COG2: variants seen among roughly 807,000 people sequenced by gnomAD.
The protein encoded by COG2 is conserved oligomeric Golgi complex subunit 2.
In COG2, 52 loss-of-function variants were observed where a neutral mutation model predicts 90.6. The observed-to-expected ratio is 0.57, with a 90% CI of 0.46 to 0.72. COG2 has a LOEUF of 0.72. COG2 is among the 30% of genes least tolerant of loss of function. COG2 has a pLI of 0.00. For synonymous variants in COG2, 337 were observed against 320.4 expected, an observed-to-expected ratio of 1.05 and a Z score of -0.55; for missense variants, 829 against 891.2, an observed-to-expected ratio of 0.93 and a Z score of 0.89.
At chr1:230,669,206 G>T in intron 6 of COG2, 150 bp from the exon 7 acceptor site, 1 of 609,686 alleles carries the variant, frequency 1.6e-6, no homozygotes, top group South Asian at 2.8e-5. Flanking sequence ...TGGAGTGAGG[G>T]GTTCATTGTT....
At chr1:230,685,834 G>A (rs866923451) in intron 12 of COG2, among the ~76,000 whole-genome samples, 11 of 152,276 alleles carry the variant, frequency 7.2e-5, no homozygotes, top group African/African-American at 1.4e-4. Context: ...CTGGGACCTC[G>A]GATTGCAGTG....
intron 10 of COG2, 59 bp downstream of exon 10, chr1:230,679,111 A>G (rs905520700): frequency 6.8e-5 from 103 of 1,518,738 alleles, no homozygotes; most frequent in Non-Finnish European, 9.0e-5. Context: ...TTGGAATGCC[A>G]GTTAAGGATG....
At chr1:230,664,203 A>ACCC (rs1194986638) in intron 4 of COG2, among the ~76,000 whole-genome samples, 5 of 152,072 alleles carry the variant, frequency 3.3e-5, no homozygotes. Context: ...AAGATGGGGA[A>ACCC]AAGAAAGAAG....
At chr1:230,692,424 G>A (rs1245299131) in intron 17 of COG2, among the ~76,000 whole-genome samples, 1 of 151,536 alleles carries the variant, frequency 6.6e-6, no homozygotes, top group Non-Finnish European at 1.5e-5. Flanking sequence ...TACACATCAT[G>A]ATCATCACTG....
At chr1:230,682,846 G>T (rs562526451) in intron 10 of COG2, 1 of 152,288 alleles carries the variant, frequency 6.6e-6, no homozygotes, top group Admixed American at 6.5e-5. Context: ...GCCTGCAAAA[G>T]CAGCTAGCTT....
chr1:230,679,251 T>G (rs1662674262), intron 10 of COG2, 199 bp downstream of exon 10: 3 of 498,608 alleles, frequency 6.0e-6, no homozygotes, highest in Non-Finnish European at 1.0e-5. Context: ...AAAAGATAAG[T>G]TTTCTTTTTT....
chr1:230,653,590 T>C (rs1661970965), intron 1 of COG2, among the ~76,000 whole-genome samples: 1 of 152,090 alleles, frequency 6.6e-6, no homozygotes, highest in African/African-American at 2.4e-5. Flanking sequence ...TCAATTCTAC[T>C]AGCCAGAGTG....
Position 230,671,503 on chromosome 1 carries a change from T to C in COG2, c.775-13T>C, listed in dbSNP as rs775687865. On this transcript the variant is annotated splice_polypyrimidine_tract_variant and intron_variant, in intron 7 of 17. Transcript: ENST00000366669. ...TTAAATGCTTTTTTAAAAAATGATT[T>C]TTCTTTTAATAGGTGATTATAGAGC... 3.1e-6 allele frequency: 5 copies of C among 1,595,280 alleles called. No individual in the cohort carries two copies. The highest frequency in any genetic ancestry group is 4.3e-6 in the Non-Finnish European group (5 of 1,173,130).
At chr1:230,674,350 A>G (rs1474333040) in intron 8 of COG2, among the ~76,000 whole-genome samples, 2 of 152,232 alleles carry the variant, frequency 1.3e-5, no homozygotes, top group African/African-American at 4.8e-5. Context: ...TCCAAAGCGC[A>G]TGCTTTCTGT....
At chr1:230,674,920 C>A in intron 8 of COG2, 78 bp from the exon 9 acceptor site, 1 of 1,136,980 alleles carries the variant, frequency 8.8e-7, no homozygotes, top group Non-Finnish European at 1.2e-6. Flanking sequence ...GATCTTTTGG[C>A]AGAAGCAACA....
chr1:230,664,514 C>A lies in COG2; in HGVS notation c.412C>A (p.Arg138=). The A allele has an allele frequency of 6.4e-7, 1 of 1,563,694 alleles. No homozygotes were observed. The highest frequency in any genetic ancestry group is 8.7e-7 in the Non-Finnish European group (1 of 1,146,956). ...MCVLRLIQVI[R]SVEKIEKILN... is the part of the protein sequence containing the mutation. ...TGTATTGAGGCTTATACAAGTTATT[C>A]GGTCAGTTGAGAAAATTGAAAAAAT... The change falls in exon 5 of 18, where the codon CGG becomes AGG. Residue 138 remains arginine, a synonymous_variant. Coordinates refer to ENST00000366669, the MANE Select transcript of COG2 (RefSeq NM_007357.3).
At chr1:230,691,850 C>T (rs1383696658) in intron 17 of COG2, 4 of 321,644 alleles carry the variant, frequency 1.2e-5, no homozygotes, top group Non-Finnish European at 2.3e-5. Context: ...TACAGTGAGA[C>T]TTTTTGGTCC....
chr1:230,642,800 G>C, intron 1 of COG2, 122 bp downstream of exon 1: 1 of 903,928 alleles, frequency 1.1e-6, no homozygotes. Context: ...GTCCTCCGCC[G>C]AGACCTCGCT....
intron 1 of COG2, among the ~76,000 whole-genome samples, chr1:230,648,969 A>T (rs1661851430): frequency 6.6e-6 from 1 of 152,216 alleles, no homozygotes; most frequent in Non-Finnish European, 1.5e-5. Context: ...AGAGAAAGAG[A>T]AGAAATCAGC....
At position 230,671,559 on chromosome 1, in the gene COG2, A is replaced by G; in HGVS notation, c.818A>G (p.Gln273Arg). 1 of 1,613,594 alleles carries G rather than the reference A, an allele frequency of 6.2e-7. No individual in the cohort carries two copies. Among genetic ancestry groups the G allele is most frequent in the Non-Finnish European group, 8.5e-7 (1 of 1,179,580 alleles). Residue 273 changes from glutamine to arginine, a missense_variant, in exon 8 of 18, where the codon CAG becomes CGG. Coordinates refer to ENST00000366669, the MANE Select transcript of COG2 (RefSeq NM_007357.3). ...GTTGAATCTCATCCCAATGGCCTTCAGGTCATGTATAATAAACTCCTGGAG... is the reference window on the plus strand; with the variant it reads ...GTTGAATCTCATCCCAATGGCCTTCGGGTCATGTATAATAAACTCCTGGAG... ...QFVESHPNGL[Q>R]VMYNKLLEFV...
At chr1:230,676,011 T>C (rs906883684) in intron 9 of COG2, among the ~76,000 whole-genome samples, 1 of 152,160 alleles carries the variant, frequency 6.6e-6, no homozygotes, top group Non-Finnish European at 1.5e-5. Context: ...GATTTCATGG[T>C]TAGGATTTCA....
intron 1 of COG2, among the ~76,000 whole-genome samples, chr1:230,658,579 TG>T (rs1662115975): frequency 6.6e-6 from 1 of 152,142 alleles, no homozygotes; most frequent in African/African-American, 2.4e-5. Context: ...GCTCATACAC[TG>T]TGCTAGGAGG....
At position 230,686,964 on chromosome 1, in the gene COG2, T is replaced by C; in HGVS notation, c.1410T>C (p.Ser470=). The part of the protein sequence containing the change: ...ELSLRPISNE[S]PKEIKKPLVT... ...CACTCAGGCCCATTTCTAATGAAAGTCCCAAGGAGATCAAGAAACCTTTGG... is the reference window on the plus strand; with the variant it reads ...CACTCAGGCCCATTTCTAATGAAAGCCCCAAGGAGATCAAGAAACCTTTGG... The change falls in exon 13 of 18, where the codon AGT becomes AGC. Residue 470 remains serine (S), a synonymous_variant. Coordinates refer to ENST00000366669, the MANE Select transcript of COG2 (RefSeq NM_007357.3). The C allele has an allele frequency of 6.3e-7, 1 of 1,593,752 alleles. No homozygotes were observed. Among genetic ancestry groups the C allele is most frequent in the Non-Finnish European group, 8.6e-7 (1 of 1,167,714 alleles).
chr1:230,687,565 A>G (rs1485761668), intron 13 of COG2, among the ~76,000 whole-genome samples: 1 of 152,158 alleles, frequency 6.6e-6, no homozygotes, highest in Non-Finnish European at 1.5e-5. Context: ...ATCTTCAGCT[A>G]TACTTTGAAA....
Sources: gnomAD v4.1 joint callset for allele counts (sites outside exome capture counted in the v4.1 genomes callset) on GRCh38, gnomAD v4.1.1 for gene constraint, MANE v1.5 for transcripts, NCBI Gene and HGNC (gene_info 2026-07-23, HGNC 2026-07-21) for gene names.